MTFR2: variants seen among roughly 807,000 people sequenced by gnomAD.
MTFR2 encodes DUF729 domain-containing protein 1.
MTFR2 carries 44 observed loss-of-function variants against 41.2 expected under a neutral mutation model. That is an observed-to-expected ratio of 1.07 (90% confidence interval 0.84 to 1.37). The LOEUF is 1.37. Ranked by LOEUF, MTFR2 falls within the 40% of genes most tolerant of loss-of-function variation. The pLI, the probability that MTFR2 is intolerant of heterozygous loss-of-function variation, is 0.00. For synonymous variants in MTFR2, 141 were observed against 154.6 expected (o/e 0.91, Z 0.65); for missense variants, 452 against 459.5 (o/e 0.98, Z 0.15).
At chr6:136,238,146 T>C (rs539490443) in intron 6 of MTFR2, among the ~76,000 whole-genome samples, 7 of 152,330 alleles carry the variant, frequency 4.6e-5, no homozygotes, top group African/African-American at 1.7e-4. Context: ...CCCACATTCA[T>C]TGCAGTGCTA....
chr6:136,245,883 T>C (rs1237425832), intron 2 of MTFR2, among the ~76,000 whole-genome samples: 2 of 152,234 alleles, frequency 1.3e-5, no homozygotes, highest in African/African-American at 4.8e-5. Context: ...AAATCCCTTA[T>C]ATAGGTTACA....
chr6:136,240,776 A>G (rs557368823), intron 5 of MTFR2, among the ~76,000 whole-genome samples: 4 of 152,282 alleles, frequency 2.6e-5, no homozygotes, highest in South Asian at 4.1e-4. Context: ...TTAATATCCA[A>G]TGCTTTCATG....
chr6:136,247,419 TC>T (rs1780238205), intron 2 of MTFR2: 22 of 437,500 alleles, frequency 5.0e-5, no homozygotes, highest in Non-Finnish European at 9.9e-5. Context: ...ACAGTCTCTC[TC>T]CTTTCCAAGA....
At chr6:136,235,468 G>C (rs1779878816) in intron 6 of MTFR2, among the ~76,000 whole-genome samples, 1 of 152,090 alleles carries the variant, frequency 6.6e-6, no homozygotes, top group South Asian at 2.1e-4. Context: ...ATAGGACTAG[G>C]TGAGCTCACC....
Position 136,237,538 on chromosome 6 carries a change from G to A in MTFR2, c.869+1928C>T, listed in dbSNP as rs1322811995. ...TAAAAATTAAAAATGTGGGCCAGGT[G>A]TGGTGGCTCACACCTGTAATCCCAG... is the stretch of plus-strand genomic sequence containing the variant. On this transcript the variant is annotated intron_variant, in intron 6 of 7. Transcript: ENST00000420702. Among the ~76,000 whole-genome samples the A allele has an allele frequency of 2.6e-5, 4 of 152,174 alleles. No individual in the cohort carries two copies. The East Asian group carries it at 7.7e-4, about 29-fold the overall frequency.
chr6:136,233,274 C>T, intron 7 of MTFR2, 51 bp downstream of exon 7: 2 of 1,513,188 alleles, frequency 1.3e-6, no homozygotes, highest in Non-Finnish European at 1.8e-6. Context: ...GTAACATAAA[C>T]AACACATCTG....
intron 5 of MTFR2, among the ~76,000 whole-genome samples, chr6:136,240,803 T>C (rs964853753): frequency 6.6e-6 from 1 of 152,148 alleles, no homozygotes; most frequent in Admixed American, 6.5e-5. Flanking sequence ...TAGAAAAGCT[T>C]ACTGAGGGCC....
chr6:136,240,103 C>T lies in MTFR2; in HGVS notation c.515-283G>A, dbSNP rs984130450. ...AAAAAAAAGAGTTTTTTCAGTAATT[C>T]ACATACACTCTGAACTTCATCCTCT... On this transcript the variant is annotated intron_variant, in intron 5 of 7. Transcript: ENST00000420702. Among the ~76,000 whole-genome samples, 12 of 152,218 alleles carry T rather than the reference C, an allele frequency of 7.9e-5. No individual in the cohort carries two copies. In the East Asian group the frequency reaches 2.1e-3, roughly 27 times the overall value.
At chr6:136,241,821 G>A in intron 4 of MTFR2, 145 bp from the exon 5 acceptor site, 1 of 663,642 alleles carries the variant, frequency 1.5e-6, no homozygotes, top group Non-Finnish European at 2.5e-6. Context: ...GCTCACACCT[G>A]TAATCCCAAC....
At chr6:136,236,299 G>C (rs116364164) in intron 6 of MTFR2, among the ~76,000 whole-genome samples, 49 of 152,204 alleles carry the variant, frequency 3.2e-4, no homozygotes, top group African/African-American at 1.1e-3. Flanking sequence ...AAAGAGAAGG[G>C]AAACCAGTAA....
At chr6:136,248,238 A>T (rs537194987) in intron 2 of MTFR2, among the ~76,000 whole-genome samples, 2 of 152,176 alleles carry the variant, frequency 1.3e-5, no homozygotes, top group Non-Finnish European at 2.9e-5. Context: ...AAACAAGCAT[A>T]TTGTCTTAGA....
intron 3 of MTFR2, 117 bp downstream of exon 3, chr6:136,244,648 T>A: frequency 1.4e-6 from 1 of 693,212 alleles, no homozygotes; most frequent in South Asian, 1.8e-5. Flanking sequence ...AAGGGTAAAC[T>A]ACAGGTTTTT....
rs576279211 is a variant in MTFR2, at chr6:136,237,482, A to T, written c.869+1984T>A. Among the ~76,000 whole-genome samples the T allele has an allele frequency of 5.3e-5, 8 of 152,346 alleles. No individual in the cohort carries two copies. In the South Asian group the frequency reaches 1.4e-3, roughly 28 times the overall value. ...CCAACAAAACCAAAAAGATTTTAAC[A>T]AGAAGCATTTGAAGAAAAAGAAACA... On this transcript the variant is annotated intron_variant, in intron 6 of 7. Transcript: ENST00000420702.
rs567877212 is a variant in MTFR2, at chr6:136,235,784, T to C, written c.870-2285A>G. ...CTATCTCTACTAAAAATACAAAAAT[T>C]AGCTGAGCATGGTGGCACATGCCTG... On this transcript the variant is annotated intron_variant, in intron 6 of 7. Transcript: ENST00000420702. 3.3e-5 allele frequency among the ~76,000 whole-genome samples: 5 copies of C among 152,146 alleles called. No homozygotes were observed. The South Asian group carries it at 1.0e-3, about 32-fold the overall frequency.
chr6:136,243,727 A>AG (rs1554209865), intron 3 of MTFR2, among the ~76,000 whole-genome samples: 5 of 151,830 alleles, frequency 3.3e-5, no homozygotes, highest in Admixed American at 1.3e-4. Context: ...AAAAAAAAAA[A>AG]AAAAGTTAAC....
intron 6 of MTFR2, among the ~76,000 whole-genome samples, chr6:136,235,728 T>C (rs781649899): frequency 6.6e-5 from 10 of 152,044 alleles, no homozygotes; most frequent in Non-Finnish European, 1.5e-4. Flanking sequence ...GGTCAAGAGA[T>C]CGAGACCATC....
chr6:136,239,885 A>G, intron 5 of MTFR2, 65 bp from the exon 6 acceptor site: 1 of 1,366,236 alleles, frequency 7.3e-7, no homozygotes, highest in Non-Finnish European at 9.8e-7. Flanking sequence ...TATATTAATA[A>G]CACTAATTAG....
At chr6:136,234,392 G>GA (rs1162268299) in intron 6 of MTFR2, among the ~76,000 whole-genome samples, 3 of 151,458 alleles carry the variant, frequency 2.0e-5, no homozygotes, top group South Asian at 2.1e-4. Context: ...GATATGATCA[G>GA]AAAAAAAGCC....
At chr6:136,236,816 A>C (rs1443782610) in intron 6 of MTFR2, among the ~76,000 whole-genome samples, 1 of 152,134 alleles carries the variant, frequency 6.6e-6, no homozygotes, top group East Asian at 1.9e-4. Context: ...CTCACCGAAA[A>C]CCTCACTGAG....
Sources: gnomAD v4.1 joint callset for allele counts (sites outside exome capture counted in the v4.1 genomes callset) on GRCh38, gnomAD v4.1.1 for gene constraint, MANE v1.5 for transcripts, NCBI Gene and HGNC (gene_info 2026-07-23, HGNC 2026-07-21) for gene names.